The following NUDT13 variants were observed in gnomAD, a reference collection of about 807,000 sequenced individuals.
The protein encoded by NUDT13 is nudix hydrolase 13.
In NUDT13, 40 loss-of-function variants were observed where a neutral mutation model predicts 41.7. The ratio of observed to expected loss-of-function variants is 0.96; its 90% CI spans 0.75 to 1.25. The LOEUF (loss-of-function observed/expected upper bound fraction) is 1.25. Among genes scored for constraint, NUDT13 ranks in the 50% most tolerant of loss-of-function variants. The pLI, the probability that NUDT13 is intolerant of heterozygous loss-of-function variation, is 0.00. For synonymous variants in NUDT13, 145 were observed against 155.5 expected, an observed-to-expected ratio of 0.93 and a Z score of 0.50; for missense variants, 390 against 416.1, an observed-to-expected ratio of 0.94 and a Z score of 0.55.
Position 73,130,798 on chromosome 10 carries a change from A to G in NUDT13, c.954A>G (p.Gln318=). ...AGAGAAAGGGCCCCTATACTCAGCA[A>G]CAGAATGGGACTTTCCCATTCTGGC... ...ALKRKGPYTQ[Q]QNGTFPFWLP... is the part of the protein sequence containing the mutation. The change falls in exon 9 of 9, where the codon CAA becomes CAG. Residue 318 remains glutamine (Q), a synonymous_variant. Coordinates refer to ENST00000357321, the MANE Select transcript of NUDT13 (RefSeq NM_015901.6). 1 of 1,613,554 alleles carries G rather than the reference A, an allele frequency of 6.2e-7. No individual in the cohort carries two copies. The highest frequency in any genetic ancestry group is 8.5e-7 in the Non-Finnish European group (1 of 1,179,854).
chr10:73,114,286 C>T, intron 1 of NUDT13, 71 bp from the exon 2 acceptor site: 1 of 672,456 alleles, frequency 1.5e-6, no homozygotes, highest in East Asian at 2.9e-5. Flanking sequence ...AAAGTATAAC[C>T]CTCTTGGCAA....
At chr10:73,112,972 C>T (rs1842406008) in intron 1 of NUDT13, among the ~76,000 whole-genome samples, 1 of 152,198 alleles carries the variant, frequency 6.6e-6, no homozygotes, top group South Asian at 2.1e-4. Flanking sequence ...ACTGCAACCT[C>T]TGCCTCCTAG....
intron 1 of NUDT13, among the ~76,000 whole-genome samples, chr10:73,111,032 A>G (rs1020463693): frequency 6.6e-6 from 1 of 152,158 alleles, no homozygotes; most frequent in African/African-American, 2.4e-5. Context: ...GCTGGAGTGC[A>G]GTGACACGAT....
intron 2 of NUDT13, among the ~76,000 whole-genome samples, chr10:73,117,557 C>CAAAAAAAA (rs75939322): frequency 2.0e-5 from 1 of 49,938 alleles, no homozygotes; most frequent in African/African-American, 7.4e-5. Flanking sequence ...AACTCAGTCT[C>CAAAAAAAA]AAAAAAAAAA....
intron 2 of NUDT13, chr10:73,115,263 A>T (rs1257114453): frequency 6.6e-6 from 1 of 152,128 alleles, no homozygotes; most frequent in Non-Finnish European, 1.5e-5. Context: ...TGAAGCCTTG[A>T]TCTCCTGGGG....
Position 73,131,303 on chromosome 10 carries a change from G to T in NUDT13, c.*400G>T. Reference sequence around the variant, plus strand: ...AAGTTTGGTTAAAACTTTTATCTTAGTATTGAAAATATATAGCAAGTTTTA... The same window carrying T: ...AAGTTTGGTTAAAACTTTTATCTTATTATTGAAAATATATAGCAAGTTTTA... On this transcript the variant is annotated 3_prime_UTR_variant, in exon 9 of 9. Transcript: ENST00000357321. 5.3e-6 allele frequency: 1 copy of T among 187,326 alleles called. No homozygotes were observed. Among genetic ancestry groups the T allele is most frequent in the Non-Finnish European group, 1.1e-5 (1 of 87,162 alleles). The allele number at this position is 187,326 out of a possible 1,614,324, so 11.6% of individuals were successfully genotyped here. A position where few individuals can be genotyped will look rare whatever the true frequency, so the allele number is the denominator to read the frequency against.
At chr10:73,120,331 T>G (rs1842613735) in intron 3 of NUDT13, among the ~76,000 whole-genome samples, 174 bp downstream of exon 3, 1 of 152,216 alleles carries the variant, frequency 6.6e-6, no homozygotes, top group Non-Finnish European at 1.5e-5. Flanking sequence ...TTGTATGAAC[T>G]CTAGTTGTCC....
At chr10:73,125,734 G>A (rs1020127258) in intron 7 of NUDT13, among the ~76,000 whole-genome samples, 1 of 149,766 alleles carries the variant, frequency 6.7e-6, no homozygotes, top group Non-Finnish European at 1.5e-5. Context: ...GCTCAGGCTG[G>A]AGTGCAGTGG....
intron 3 of NUDT13, 88 bp from the exon 4 acceptor site, chr10:73,122,087 A>T: frequency 2.1e-6 from 3 of 1,438,282 alleles, no homozygotes; most frequent in Non-Finnish European, 1.9e-6. Context: ...GCTGAAGTAG[A>T]TGATTTTCTG....
intron 8 of NUDT13, 114 bp downstream of exon 8, chr10:73,126,941 C>T: frequency 2.1e-6 from 2 of 937,092 alleles, no homozygotes; most frequent in African/African-American, 1.6e-5. Flanking sequence ...ATTACATAAA[C>T]ATGTGTAAAA....
In NUDT13 at chr10:73,122,199, T is replaced by C. The variant is rs778991177; in HGVS notation, c.248T>C (p.Phe83Ser). The C allele has an allele frequency of 3.1e-6, 5 of 1,613,274 alleles. No individual in the cohort carries two copies. Among genetic ancestry groups the C allele is most frequent in the Admixed American group, 1.7e-5 (1 of 59,750 alleles). ...GAGTTGGAAAGGCTCCTGGGTAAAT[T>C]TGGACAGGATGCACAAAGAATAGAA... ...LLELERLLGK[F>S]GQDAQRIEDS... The change falls in exon 4 of 9, where the codon TTT (phenylalanine) becomes TCT (serine). Residue 83 changes from phenylalanine (F) to serine (S), a missense_variant. Coordinates refer to ENST00000357321, the MANE Select transcript of NUDT13 (RefSeq NM_015901.6).
At chr10:73,120,807 G>A (rs571962560) in intron 3 of NUDT13, among the ~76,000 whole-genome samples, 77 of 151,998 alleles carry the variant, frequency 5.1e-4, no homozygotes, top group African/African-American at 1.8e-3. Context: ...GCGTGGTGGC[G>A]GGTGCCTGTA....
chr10:73,124,279 C>A lies in NUDT13; in HGVS notation c.424C>A (p.Leu142Ile). The A allele has an allele frequency of 6.2e-7, 1 of 1,613,446 alleles. No individual in the cohort carries two copies. Among genetic ancestry groups the A allele is most frequent in the Non-Finnish European group, 8.5e-7 (1 of 1,179,782 alleles). Residue 142 changes from leucine (L) to isoleucine (I), a missense_variant, in exon 5 of 9, where the codon CTC (leucine) becomes ATC (isoleucine). Physicochemically the swap from Leu to Ile is conservative, Grantham distance 5 (BLOSUM62 2). Transcript: ENST00000357321. ...GTCTTTCATTGAGCTGAGAAAGGCACTCTTTCAACTCAATGCAAGGGATGC... is the reference window on the plus strand; with the variant it reads ...GTCTTTCATTGAGCTGAGAAAGGCAATCTTTCAACTCAATGCAAGGGATGC... Reference protein sequence around the residue: ...KGSFIELRKALFQLNARDASL... With the variant: ...KGSFIELRKAIFQLNARDASL...
intron 1 of NUDT13, among the ~76,000 whole-genome samples, chr10:73,112,121 C>T (rs542090018): frequency 6.6e-5 from 10 of 152,284 alleles, no homozygotes; most frequent in African/African-American, 2.4e-4. Context: ...GAGACCCAGG[C>T]AGGCAGATCA....
At position 73,131,034 on chromosome 10, in the gene NUDT13, C is replaced by A; in HGVS notation, c.*131C>A. On this transcript the variant is annotated 3_prime_UTR_variant, in exon 9 of 9. Coordinates refer to ENST00000357321, the MANE Select transcript of NUDT13 (RefSeq NM_015901.6). ...AAGGGCAGAGCAAAGGGTGAGCCTA[C>A]AGTAAGACACTTCTATCAGCAGTGT... 1.5e-6 allele frequency: 1 copy of A among 659,488 alleles called. No individual in the cohort carries two copies. The highest frequency in any genetic ancestry group is 2.6e-6 in the Non-Finnish European group (1 of 385,204). 40.9% of individuals were successfully genotyped at this position (659,488 alleles called of 1,614,324 possible).
At chr10:73,124,075 T>C in intron 4 of NUDT13, 139 bp from the exon 5 acceptor site, 3 of 616,382 alleles carry the variant, frequency 4.9e-6, no homozygotes, top group Non-Finnish European at 5.8e-6. Flanking sequence ...TAGCTGGGAC[T>C]ACAGGCACAC....
In NUDT13 at chr10:73,116,876, A is replaced by ATTTTTTTTTTTTTTTTTTT. The variant is rs56229464; in HGVS notation, c.83+2438_83+2456dup. Among the ~76,000 whole-genome samples the ATTTTTTTTTTTTTTTTTTT allele has an allele frequency of 3.8e-4, 31 of 81,868 alleles. 7 individuals carry two copies. The highest frequency in any genetic ancestry group is 1.5e-3 in the African/African-American group (31 of 20,458). The allele number at this position is 81,868 out of a possible 152,430, so 53.7% of individuals were successfully genotyped here. On this transcript the variant is annotated intron_variant, in intron 2 of 8. Transcript: ENST00000357321. ...TGTACTCCTTTAACAGACTACAAGA[A>ATTTTTTTTTTTTTTTTTTT]TTTTTTTTTTTTTTTTTTTTTTTTT... is the stretch of plus-strand genomic sequence containing the variant.
chr10:73,114,493 T>C, intron 2 of NUDT13, 45 bp downstream of exon 2: 2 of 998,550 alleles, frequency 2.0e-6, no homozygotes, highest in Non-Finnish European at 3.0e-6. Flanking sequence ...GTTTGGCCCA[T>C]TAAACTATTG....
In NUDT13 at chr10:73,126,888, AG is replaced by A. The variant is rs749459354; in HGVS notation, c.858+62del. 4.5e-4 allele frequency: 637 copies of A among 1,411,410 alleles called. 1 individual carries two copies. The highest frequency in any genetic ancestry group is 2.7e-4 in the Non-Finnish European group (270 of 1,002,440). 87.4% of individuals were successfully genotyped at this position (1,411,410 alleles called of 1,614,324 possible). A position where few individuals can be genotyped will look rare whatever the true frequency, so the allele number is the denominator to read the frequency against. On this transcript the variant is annotated intron_variant, in intron 8 of 8. Transcript: ENST00000357321. Reference sequence around the variant, plus strand: ...TTTTGCTTCATCCAACCTGCTCATCAGCAAGTACTTATTAAGCACTTGTCTA... The same window carrying A: ...TTTTGCTTCATCCAACCTGCTCATCACAAGTACTTATTAAGCACTTGTCTA...
Sources: gnomAD v4.1 joint callset for allele counts (sites outside exome capture counted in the v4.1 genomes callset) on GRCh38, gnomAD v4.1.1 for gene constraint, MANE v1.5 for transcripts, NCBI Gene and HGNC (gene_info 2026-07-23, HGNC 2026-07-21) for gene names.